PSEN1: variants seen among roughly 807,000 people sequenced by gnomAD.
PSEN1 encodes the protein presenilin 1, also known as presenilin-1.
A neutral mutation model predicts 53.5 loss-of-function variants in PSEN1; 15 were observed. The observed-to-expected ratio is 0.28, with a 90% CI of 0.19 to 0.43. The LOEUF (loss-of-function observed/expected upper bound fraction) is 0.43, where lower values mean the gene tolerates loss of function less well. Among genes scored for constraint, PSEN1 ranks in the 20% least tolerant of loss-of-function variants. The pLI is 1.00. For synonymous variants in PSEN1, 208 were observed against 209.8 expected, an observed-to-expected ratio of 0.99 and a Z score of 0.08; for missense variants, 387 against 571.2, an observed-to-expected ratio of 0.68 and a Z score of 3.29.
At chr14:73,207,718 G>A (rs997748934) in intron 9 of PSEN1, among the ~76,000 whole-genome samples, 4 of 152,176 alleles carry the variant, frequency 2.6e-5, no homozygotes, top group Non-Finnish European at 4.4e-5. Context: ...AGGCCCACTG[G>A]GCTCATTCCA....
intron 8 of PSEN1, among the ~76,000 whole-genome samples, chr14:73,202,804 T>C (rs75659473): frequency 0.022 from 3,389 of 152,084 alleles, 129 homozygotes; most frequent in African/African-American, 0.075. Context: ...ACTCAACGTC[T>C]GTGCTCGCTT....
intron 1 of PSEN1, among the ~76,000 whole-genome samples, chr14:73,137,519 T>C (rs943925080): frequency 6.6e-6 from 1 of 152,032 alleles, no homozygotes; most frequent in African/African-American, 2.4e-5. Context: ...AGATTTCCAG[T>C]TGATGTTGGA....
chr14:73,197,232 C>CTA (rs1476126007), intron 7 of PSEN1, among the ~76,000 whole-genome samples: 5 of 152,072 alleles, frequency 3.3e-5, no homozygotes, highest in Non-Finnish European at 7.3e-5. Context: ...TGCGCCCGGC[C>CTA]TATATGCTGA....
At chr14:73,173,814 C>A in intron 5 of PSEN1, 107 bp downstream of exon 5, 1 of 1,327,670 alleles carries the variant, frequency 7.5e-7, no homozygotes, top group Non-Finnish European at 1.1e-6. Flanking sequence ...GTTTTGTCTT[C>A]TAGAGATAAG....
chr14:73,217,045 G>A, intron 10 of PSEN1, 81 bp from the exon 11 acceptor site: 1 of 1,408,122 alleles, frequency 7.1e-7, no homozygotes, highest in Non-Finnish European at 1.0e-6. Context: ...GTGGGGTTGA[G>A]TAGGGCAGTG....
At chr14:73,210,705 A>T (rs758424415) in intron 9 of PSEN1, among the ~76,000 whole-genome samples, 1 of 152,236 alleles carries the variant, frequency 6.6e-6, no homozygotes, top group Non-Finnish European at 1.5e-5. Context: ...AATAAAAAGA[A>T]TACAAAACTA....
At position 73,221,632 on chromosome 14, in the gene PSEN1, G is replaced by A. The variant is rs1900120314; in HGVS notation, c.*2343G>A. 6.6e-6 allele frequency: 1 copy of A among 151,764 alleles called. No homozygotes were observed. 9.4% of individuals were successfully genotyped at this position (151,764 alleles called of 1,614,324 possible). On this transcript the variant is annotated 3_prime_UTR_variant, in exon 12 of 12. Coordinates refer to ENST00000324501, the MANE Select transcript of PSEN1 (RefSeq NM_000021.4). ...GGACAGGATTTTGCTGTGTTGCCCA[G>A]GCTAGACTTGAACTCCTGGGCTCAA...
At chr14:73,197,211 G>A (rs1898992062) in intron 7 of PSEN1, among the ~76,000 whole-genome samples, 1 of 152,156 alleles carries the variant, frequency 6.6e-6, no homozygotes, top group Non-Finnish European at 1.5e-5. Flanking sequence ...GGGATTGCAG[G>A]CGTGAGCCAC....
chr14:73,138,191 A>T (rs1342543939), intron 1 of PSEN1: 1 of 143,228 alleles, frequency 7.0e-6, no homozygotes, highest in African/African-American at 2.5e-5. Context: ...TAAACATACT[A>T]TTATTTATTT....
intron 8 of PSEN1, among the ~76,000 whole-genome samples, chr14:73,205,905 G>A (rs1010109431): frequency 1.3e-5 from 2 of 152,130 alleles, no homozygotes; most frequent in African/African-American, 4.8e-5. Flanking sequence ...TGCTTTTAAC[G>A]TTTTTTCTCA....
At chr14:73,182,839 C>T (rs1049058560) in intron 5 of PSEN1, among the ~76,000 whole-genome samples, 1 of 151,686 alleles carries the variant, frequency 6.6e-6, no homozygotes, top group Admixed American at 6.6e-5. Context: ...GCTTCATCTC[C>T]CAAAAATAAA....
In PSEN1 at chr14:73,192,824, A is replaced by G. The variant is rs201037816; in HGVS notation, c.729A>G (p.Glu243=). The change falls in exon 7 of 12, where the codon GAA becomes GAG. Residue 243 remains glutamate, a synonymous_variant. Transcript: ENST00000324501. ...TGGTGTTTATCAAGTACCTCCCTGA[A>G]TGGACTGCGTGGCTCATCTTGGCTG... is the stretch of plus-strand genomic sequence containing the variant. ...MALVFIKYLP[E]WTAWLILAVI... 6.2e-7 allele frequency: 1 copy of G among 1,613,902 alleles called. No homozygotes were observed. The highest frequency in any genetic ancestry group is 8.5e-7 in the Non-Finnish European group (1 of 1,179,792).
intron 5 of PSEN1, among the ~76,000 whole-genome samples, chr14:73,180,863 C>T (rs1287468720): frequency 4.6e-5 from 7 of 152,140 alleles, no homozygotes; most frequent in Non-Finnish European, 1.5e-5. Context: ...GACATATTGA[C>T]TTTGTCAAGA....
At chr14:73,153,059 C>A (rs1048199849) in intron 3 of PSEN1, among the ~76,000 whole-genome samples, 14 of 151,974 alleles carry the variant, frequency 9.2e-5, no homozygotes, top group African/African-American at 3.4e-4. Context: ...CAAATAAATA[C>A]ATAGACAAAA....
At chr14:73,209,847 C>T (rs1899606522) in intron 9 of PSEN1, among the ~76,000 whole-genome samples, 1 of 152,192 alleles carries the variant, frequency 6.6e-6, no homozygotes, top group Non-Finnish European at 1.5e-5. Flanking sequence ...GAACTGCAGG[C>T]TTCCTCAGTG....
At chr14:73,218,708 G>A (rs1223490992) in intron 11 of PSEN1, among the ~76,000 whole-genome samples, 1 of 142,238 alleles carries the variant, frequency 7.0e-6, no homozygotes, top group Non-Finnish European at 1.5e-5. Flanking sequence ...AGAAGCCCCC[G>A]CACAGCATAG....
chr14:73,147,194 C>T (rs1897097820), intron 1 of PSEN1, among the ~76,000 whole-genome samples: 1 of 152,134 alleles, frequency 6.6e-6, no homozygotes, highest in Admixed American at 6.5e-5. Context: ...CCATGTTGGT[C>T]AGGCTGGTTT....
intron 3 of PSEN1, among the ~76,000 whole-genome samples, chr14:73,154,576 G>T (rs1412657923): frequency 6.6e-6 from 1 of 152,062 alleles, no homozygotes; most frequent in East Asian, 1.9e-4. Flanking sequence ...ACTTCAACCT[G>T]GGCAGCAAAG....
intron 6 of PSEN1, among the ~76,000 whole-genome samples, chr14:73,190,553 A>T (rs1898677990): frequency 6.6e-6 from 1 of 152,058 alleles, no homozygotes; most frequent in Non-Finnish European, 1.5e-5. Context: ...TATATATGAC[A>T]TGTATAGACT....
Sources: allele counts gnomAD v4.1 joint callset (sites outside exome capture counted in the v4.1 genomes callset), GRCh38; gene constraint gnomAD v4.1.1; transcripts MANE v1.5; gene names NCBI Gene and HGNC (gene_info 2026-07-23, HGNC 2026-07-21).